TRAP1: variants seen among roughly 807,000 people sequenced by gnomAD.
The protein encoded by TRAP1 is heat shock protein 75 kDa, mitochondrial.
In TRAP1, 102 loss-of-function variants were observed where a neutral mutation model predicts 89.1. The observed-to-expected ratio is 1.15, with a 90% CI of 0.98 to 1.35. TRAP1 has a LOEUF of 1.35. Ranked by LOEUF, TRAP1 falls within the 40% of genes most tolerant of loss-of-function variation. The pLI is 0.00. For missense variants in TRAP1, 1,256 were observed against 945.3 expected (o/e 1.33, Z -4.31); for synonymous variants, 508 against 388.0 (o/e 1.31, Z -3.64).
intron 1 of TRAP1, among the ~76,000 whole-genome samples, chr16:3,699,968 G>A (rs886395403): frequency 3.3e-5 from 5 of 151,634 alleles, no homozygotes; most frequent in East Asian, 1.9e-4. Flanking sequence ...GAGCCACCAC[G>A]CCCAGCCTGT....
chr16:3,698,803 T>C (rs899388570), intron 1 of TRAP1, among the ~76,000 whole-genome samples: 12 of 152,028 alleles, frequency 7.9e-5, no homozygotes, highest in Non-Finnish European at 1.3e-4. Flanking sequence ...GGAGGATCAC[T>C]TGAGCCTGCA....
chr16:3,669,965 C>A (rs991084101), intron 11 of TRAP1, among the ~76,000 whole-genome samples: 1 of 151,626 alleles, frequency 6.6e-6, no homozygotes, highest in African/African-American at 2.4e-5. Context: ...AACTATGGTA[C>A]ATCCCTGTGA....
intron 16 of TRAP1, 25 bp from the exon 17 acceptor site, chr16:3,658,890 AAGC>A (rs2042891751): frequency 2.5e-6 from 4 of 1,613,438 alleles, no homozygotes; most frequent in African/African-American, 1.3e-5. Flanking sequence ...CCACCAGAAA[AAGC>A]AGCTCAGTAC....
Position 3,664,663 on chromosome 16 carries a change from T to A in TRAP1, c.1384-204A>T, listed in dbSNP as rs535054114. On this transcript the variant is annotated intron_variant, in intron 12 of 17. Transcript: ENST00000246957. ...GCCCCTTTTGGGAGCTCTGGGGGCT[T>A]AGGAAGCACCTCCTGCCCCAGGTGG... 2.8e-4 allele frequency: 161 copies of A among 570,616 alleles called. 4 individuals carry two copies. The South Asian group carries it at 3.4e-3, about 12-fold the overall frequency. 35.3% of individuals were successfully genotyped at this position (570,616 alleles called of 1,614,324 possible).
intron 1 of TRAP1, among the ~76,000 whole-genome samples, chr16:3,699,854 T>C (rs12932328): frequency 0.031 from 4,637 of 148,114 alleles, 105 homozygotes; most frequent in Middle Eastern, 0.058. Context: ...TTTTTTTTTT[T>C]CCTAGAGATA....
At position 3,658,842 on chromosome 16, in the gene TRAP1, T is replaced by C; in HGVS notation, c.1964A>G (p.Asn655Ser). 6.2e-7 allele frequency: 1 copy of C among 1,614,050 alleles called. No individual in the cohort carries two copies. The highest frequency in any genetic ancestry group is 1.1e-5 in the South Asian group (1 of 91,076). Residue 655 changes from asparagine (N) to serine (S), a missense_variant, in exon 17 of 18, where the codon AAT becomes AGT. Physicochemically the swap from Asn to Ser is conservative, Grantham distance 46. Coordinates refer to ENST00000246957, the MANE Select transcript of TRAP1 (RefSeq NM_016292.3). ...NPRHALIKKL[N>S]QLRASEPGLA... is the part of the protein sequence containing the mutation. ...GCCAGGCTCGCTTGCGCGCAGCTGA[T>C]TCAGCTTCTTGATGAGCGCGTGCCT...
chr16:3,676,510 G>C (rs1409111432), intron 6 of TRAP1: 1 of 172,798 alleles, frequency 5.8e-6, no homozygotes, highest in Non-Finnish European at 1.2e-5. Flanking sequence ...CAAAAACAAA[G>C]GCCAGGGGGA....
At chr16:3,692,892 C>T (rs1051277387) in intron 1 of TRAP1, among the ~76,000 whole-genome samples, 2 of 151,968 alleles carry the variant, frequency 1.3e-5, no homozygotes, top group South Asian at 2.1e-4. Flanking sequence ...AGCCACCGTG[C>T]CCAGCCAAAA....
At chr16:3,678,562 C>G (rs1233286263) in intron 5 of TRAP1, 1 of 152,222 alleles carries the variant, frequency 6.6e-6, no homozygotes, top group Non-Finnish European at 1.5e-5. Context: ...CTCCCGGGTT[C>G]AAGTGATTCT....
At chr16:3,658,300 A>AGAGTC (rs1491191043) in intron 17 of TRAP1, 70 bp from the exon 18 acceptor site, 4 of 1,251,820 alleles carry the variant, frequency 3.2e-6, no homozygotes, top group Non-Finnish European at 4.6e-6. Flanking sequence ...TTTTTGAGAC[A>AGAGTC]GAGTCTCACT....
Position 3,670,340 on chromosome 16 carries a change from G to A in TRAP1, c.1235+1382C>T, listed in dbSNP as rs562301456. Among the ~76,000 whole-genome samples the A allele has an allele frequency of 4.6e-4, 58 of 127,296 alleles. 1 individual carries two copies. In the South Asian group the frequency reaches 0.014, roughly 32 times the overall value. 83.5% of individuals were successfully genotyped at this position (127,296 alleles called of 152,430 possible). ...GAAGGTTGCAGTGAGCCGAGACTGCGCCACTGCACTCCAGCCTGGGCGACA... is the reference window on the plus strand; with the variant it reads ...GAAGGTTGCAGTGAGCCGAGACTGCACCACTGCACTCCAGCCTGGGCGACA... On this transcript the variant is annotated intron_variant, in intron 11 of 17. Coordinates refer to ENST00000246957, the MANE Select transcript of TRAP1 (RefSeq NM_016292.3).
At chr16:3,663,680 G>C (rs1011381133) in intron 13 of TRAP1, 118 bp from the exon 14 acceptor site, 9 of 1,305,038 alleles carry the variant, frequency 6.9e-6, no homozygotes, top group East Asian at 4.9e-5. Flanking sequence ...GGGAACACCG[G>C]GGCAGTTGGG....
At chr16:3,664,922 G>C (rs1004694089) in intron 12 of TRAP1, 1 of 158,778 alleles carries the variant, frequency 6.3e-6, no homozygotes, top group East Asian at 1.9e-4. Context: ...GGGCCCTTAG[G>C]GGAGGGGTTT....
At chr16:3,658,999 A>ATGATCATTT in intron 16 of TRAP1, 134 bp from the exon 17 acceptor site, 1 of 821,110 alleles carries the variant, frequency 1.2e-6, no homozygotes, top group Non-Finnish European at 1.9e-6. Flanking sequence ...AGGTATGTTA[A>ATGATCATTT]TGATCATTTA....
At chr16:3,660,697 C>T (rs1208722048) in intron 16 of TRAP1, 6 of 152,130 alleles carry the variant, frequency 3.9e-5, no homozygotes, top group African/African-American at 1.4e-4. Flanking sequence ...TCCCTCGCCT[C>T]CAGTATAATT....
chr16:3,676,254 A>G (rs1477546077), intron 6 of TRAP1, 109 bp from the exon 7 acceptor site: 2 of 794,168 alleles, frequency 2.5e-6, no homozygotes, highest in Non-Finnish European at 4.0e-6. Flanking sequence ...CAAACAACAC[A>G]CAACACACCT....
intron 4 of TRAP1, 74 bp from the exon 5 acceptor site, chr16:3,679,864 G>A: frequency 6.9e-7 from 1 of 1,447,374 alleles, no homozygotes. Flanking sequence ...GCAGTCCCAG[G>A]GACTCAAGTG....
rs1374938088 is a variant in TRAP1 at position 3,717,504 on chromosome 16, G to T, written c.5C>A (p.Ala2Glu). M[A>E]RELRALLLWG... ...CAGCAGCAGCGCCCGCAGCTCGCGCGCCATGTCGTACTCCCAGAGCGCCGC... is the reference window on the plus strand; with the variant it reads ...CAGCAGCAGCGCCCGCAGCTCGCGCTCCATGTCGTACTCCCAGAGCGCCGC... The change falls in exon 1 of 18, where the codon GCG becomes GAG. Residue 2 changes from alanine to glutamate, a missense_variant. By Grantham distance (107) the Ala-to-Glu change is moderately radical. Transcript: ENST00000246957. 3.0e-6 allele frequency: 4 copies of T among 1,352,120 alleles called. No individual in the cohort carries two copies. The highest frequency in any genetic ancestry group is 3.8e-6 in the Non-Finnish European group (4 of 1,053,632). The allele number at this position is 1,352,120 out of a possible 1,614,324, so 83.8% of individuals were successfully genotyped here.
At chr16:3,693,765 G>A (rs937569222) in intron 1 of TRAP1, among the ~76,000 whole-genome samples, 26 of 152,248 alleles carry the variant, frequency 1.7e-4, no homozygotes, top group Admixed American at 1.6e-3. Flanking sequence ...GGCCAAGGCA[G>A]GAGAATCGCT....
Sources: gnomAD v4.1 joint callset for allele counts (sites outside exome capture counted in the v4.1 genomes callset) on GRCh38, gnomAD v4.1.1 for gene constraint, MANE v1.5 for transcripts, NCBI Gene and HGNC (gene_info 2026-07-23, HGNC 2026-07-21) for gene names.